The following NKAIN2 variants were observed in gnomAD, a reference collection of about 807,000 sequenced individuals.
NKAIN2 encodes sodium/potassium transporting ATPase interacting 2.
NKAIN2 carries 14 observed loss-of-function variants against 32.6 expected under a neutral mutation model. That is an observed-to-expected ratio of 0.43 (90% CI 0.28 to 0.67). The LOEUF (loss-of-function observed/expected upper bound fraction) is 0.67, where lower values mean the gene tolerates loss of function less well. Ranked by LOEUF, NKAIN2 falls within the 30% of genes least tolerant of loss-of-function variation. The probability of loss-of-function intolerance (pLI) is 0.17; values close to 1 mark genes in which losing one functional copy is unlikely to be tolerated. For missense variants in NKAIN2, 198 were observed against 258.3 expected (o/e 0.77, Z 1.60); for synonymous variants, 80 against 87.2 (o/e 0.92, Z 0.46).
At chr6:124,465,897 T>A (rs1776733940) in intron 3 of NKAIN2, among the ~76,000 whole-genome samples, 1 of 152,116 alleles carries the variant, frequency 6.6e-6, no homozygotes, top group Non-Finnish European at 1.5e-5. Flanking sequence ...CATAAATAGA[T>A]GAGTTAATGA....
intron 1 of NKAIN2, among the ~76,000 whole-genome samples, chr6:123,849,960 T>G (rs1270556282): frequency 6.1e-4 from 17 of 27,980 alleles, no homozygotes; most frequent in African/African-American, 8.4e-4. Context: ...TTTTTTTTTT[T>G]TGTTTGTTTG....
chr6:124,256,463 A>G (rs1267166372), intron 1 of NKAIN2, among the ~76,000 whole-genome samples: 2 of 152,164 alleles, frequency 1.3e-5, no homozygotes, highest in African/African-American at 2.4e-5. Flanking sequence ...TAAACTGGCA[A>G]TCGTTAATGC....
chr6:123,850,880 G>A (rs1054391994), intron 1 of NKAIN2, among the ~76,000 whole-genome samples: 1 of 152,034 alleles, frequency 6.6e-6, no homozygotes, highest in Non-Finnish European at 1.5e-5. Context: ...TGAGCCACTG[G>A]TAACTACTCT....
intron 1 of NKAIN2, among the ~76,000 whole-genome samples, chr6:123,994,477 A>G (rs1425859511): frequency 6.6e-6 from 1 of 152,210 alleles, no homozygotes; most frequent in South Asian, 2.1e-4. Context: ...CCACTTTATC[A>G]TAGGTCATGT....
chr6:124,813,227 C>G (rs141398769), intron 5 of NKAIN2, among the ~76,000 whole-genome samples: 52 of 152,214 alleles, frequency 3.4e-4, no homozygotes, highest in African/African-American at 1.1e-3. Flanking sequence ...GCAACTATCA[C>G]TGGCAAATTC....
chr6:124,431,835 A>G (rs1775228960), intron 3 of NKAIN2, among the ~76,000 whole-genome samples: 1 of 152,162 alleles, frequency 6.6e-6, no homozygotes, highest in Admixed American at 6.6e-5. Context: ...AACTCCATAA[A>G]TCCTTATGTA....
chr6:124,118,146 G>A (rs1363105847), intron 1 of NKAIN2, among the ~76,000 whole-genome samples: 1 of 152,084 alleles, frequency 6.6e-6, no homozygotes, highest in Admixed American at 6.6e-5. Flanking sequence ...CTTGTCACAA[G>A]GGCAGAAGGT....
At chr6:124,496,590 T>G (rs545553544) in intron 3 of NKAIN2, among the ~76,000 whole-genome samples, 1 of 152,066 alleles carries the variant, frequency 6.6e-6, no homozygotes, top group Non-Finnish European at 1.5e-5. Context: ...GTGAGAGGCA[T>G]AGAAGGCACC....
At chr6:124,184,247 A>C (rs975149660) in intron 1 of NKAIN2, among the ~76,000 whole-genome samples, 16 of 151,988 alleles carry the variant, frequency 1.1e-4, no homozygotes, top group Non-Finnish European at 1.5e-4. Flanking sequence ...CTTTTTCACT[A>C]TCAGCCTTTC....
intron 3 of NKAIN2, among the ~76,000 whole-genome samples, chr6:124,638,067 T>C (rs924772439): frequency 4.6e-5 from 7 of 152,108 alleles, no homozygotes; most frequent in African/African-American, 1.2e-4. Context: ...AACTGGCACA[T>C]AGACCAGTGG....
chr6:124,804,535 G>T (rs1167166199), intron 5 of NKAIN2: 2 of 417,770 alleles, frequency 4.8e-6, no homozygotes, highest in Non-Finnish European at 6.4e-6. Flanking sequence ...AACAGGAACA[G>T]CTCCGGTCTA....
chr6:124,212,274 T>C (rs1334267772), intron 1 of NKAIN2, among the ~76,000 whole-genome samples: 1 of 152,138 alleles, frequency 6.6e-6, no homozygotes, highest in African/African-American at 2.4e-5. Context: ...AAGTAATATA[T>C]GATTCTCTTT....
At chr6:124,450,222 C>A (rs642608) in intron 3 of NKAIN2, among the ~76,000 whole-genome samples, 15,547 of 151,958 alleles carry the variant, frequency 0.1, 1,025 homozygotes, top group East Asian at 0.25. Context: ...ATCCATCAAA[C>A]CAACTATTTG....
rs553734058 is a variant in NKAIN2 at position 124,754,890 on chromosome 6, C to T, written c.475-36449C>T. On this transcript the variant is annotated intron_variant, in intron 4 of 6. Coordinates refer to ENST00000368417, the MANE Select transcript of NKAIN2 (RefSeq NM_001040214.3). ...CAAAGACATGGAATCAACCTAAATG[C>T]CCATCAATGATAGAGTGGAGAAAGA... 2.0e-5 allele frequency among the ~76,000 whole-genome samples: 3 copies of T among 152,126 alleles called. No homozygotes were observed. The South Asian group carries it at 6.2e-4, about 32-fold the overall frequency.
At chr6:124,785,869 G>A (rs1052555754) in intron 4 of NKAIN2, among the ~76,000 whole-genome samples, 1 of 152,178 alleles carries the variant, frequency 6.6e-6, no homozygotes, top group Non-Finnish European at 1.5e-5. Flanking sequence ...GAGAGTGTCT[G>A]CCTTGTTACT....
At chr6:124,667,965 A>G (rs1300493670) in intron 4 of NKAIN2, among the ~76,000 whole-genome samples, 1 of 152,066 alleles carries the variant, frequency 6.6e-6, no homozygotes, top group Admixed American at 6.6e-5. Flanking sequence ...TCTTCTATAT[A>G]ACAAGATATC....
intron 1 of NKAIN2, among the ~76,000 whole-genome samples, chr6:124,223,155 A>G (rs1187432265): frequency 6.8e-6 from 1 of 146,680 alleles, no homozygotes; most frequent in Non-Finnish European, 1.5e-5. Context: ...GGAGGTTGCA[A>G]TGAGTGGAGA....
intron 3 of NKAIN2, among the ~76,000 whole-genome samples, chr6:124,621,531 A>T (rs923014551): frequency 6.6e-6 from 1 of 152,128 alleles, no homozygotes; most frequent in African/African-American, 2.4e-5. Context: ...ATTCAAATCC[A>T]TAAAAGGAGA....
At chr6:124,404,910 C>G (rs752409706) in intron 3 of NKAIN2, among the ~76,000 whole-genome samples, 6 of 152,030 alleles carry the variant, frequency 3.9e-5, no homozygotes, top group Non-Finnish European at 8.8e-5. Flanking sequence ...TAGTCTGTAT[C>G]TTCCCATTGC....
Sources: gnomAD v4.1 joint callset for allele counts (sites outside exome capture counted in the v4.1 genomes callset) on GRCh38, gnomAD v4.1.1 for gene constraint, MANE v1.5 for transcripts, NCBI Gene and HGNC (gene_info 2026-07-23, HGNC 2026-07-21) for gene names.